NOX1: variants seen among roughly 807,000 people sequenced by gnomAD.
The protein encoded by NOX1 is NADH/NADPH mitogenic oxidase subunit P65-MOX.
In NOX1, 34 loss-of-function variants were observed where a neutral mutation model predicts 42.5. The ratio of observed to expected loss-of-function variants is 0.80; its 90% CI spans 0.61 to 1.07. NOX1 has a LOEUF of 1.07. NOX1 is among the 50% of genes least tolerant of loss of function. NOX1 has a pLI of 0.00. For synonymous variants in NOX1, 143 were observed against 152.5 expected (o/e 0.94, Z 0.46); for missense variants, 408 against 427.0 (o/e 0.96, Z 0.39).
intron 12 of NOX1, among the ~76,000 whole-genome samples, chrX:100,846,276 A>G (rs995176876): frequency 8.9e-6 from 1 of 112,269 alleles, no homozygotes; most frequent in Non-Finnish European, 1.9e-5. Context: ...CGAGTGTGGT[A>G]TCATTTCACA....
chrX:100,871,411 AT>A lies in NOX1; in HGVS notation c.46-598del, dbSNP rs779713095. Among the ~76,000 whole-genome samples the A allele has an allele frequency of 2.7e-5, 3 of 112,710 alleles. No individual in the cohort carries two copies. The East Asian group carries it at 8.3e-4, about 31-fold the overall frequency. ...GATGGCAATAAGTGAATAAATGGAT[AT>A]CTGAAGAAACAAAGAACAAATTTAG... On this transcript the variant is annotated intron_variant, in intron 1 of 12. Coordinates refer to ENST00000372966, the MANE Select transcript of NOX1 (RefSeq NM_007052.5).
At chrX:100,859,165 C>A (rs149376352) in intron 7 of NOX1, among the ~76,000 whole-genome samples, 2 of 111,562 alleles carry the variant, frequency 1.8e-5, no homozygotes, top group African/African-American at 6.5e-5. Flanking sequence ...TTATTGAAAG[C>A]CTTTTGTGTA....
intron 7 of NOX1, among the ~76,000 whole-genome samples, chrX:100,860,719 T>A (rs1250313460): frequency 9.0e-6 from 1 of 111,533 alleles, no homozygotes; most frequent in Admixed American, 9.6e-5. Context: ...CTTTTCCTAC[T>A]TGGTAATTTT....
At chrX:100,849,090 A>AAGG (rs72230229) in intron 11 of NOX1, among the ~76,000 whole-genome samples, 190 bp downstream of exon 11, 7 of 108,239 alleles carry the variant, frequency 6.5e-5, no homozygotes, top group Non-Finnish European at 1.3e-4. Context: ...AAGAAAAAAA[A>AAGG]AAGAAGAAAG....
chrX:100,847,297 C>T (rs924727024), intron 12 of NOX1, among the ~76,000 whole-genome samples: 5 of 111,759 alleles, frequency 4.5e-5, no homozygotes, highest in African/African-American at 9.8e-5. Flanking sequence ...CCCATGTGGC[C>T]GTAGACTTTT....
At chrX:100,849,219 A>G in intron 11 of NOX1, 61 bp downstream of exon 11, 1 of 1,139,628 alleles carries the variant, frequency 8.8e-7, no homozygotes, top group Non-Finnish European at 1.2e-6. Context: ...CATATGCACT[A>G]TCCTTTGTCT....
In NOX1 at chrX:100,862,835, G is replaced by A. The variant is rs1015265804; in HGVS notation, c.338-15C>T. Reference sequence around the variant, plus strand: ...GATGTGAATAGCTAAATGGAAAGATGAAAAGAAATGTTAAGAGGCATCTCA... The same window carrying A: ...GATGTGAATAGCTAAATGGAAAGATAAAAAGAAATGTTAAGAGGCATCTCA... On this transcript the variant is annotated splice_polypyrimidine_tract_variant and intron_variant, in intron 4 of 12. Coordinates refer to ENST00000372966, the MANE Select transcript of NOX1 (RefSeq NM_007052.5). 21 of 1,189,338 alleles carry A rather than the reference G, an allele frequency of 1.8e-5. No homozygotes were observed. The highest frequency in any genetic ancestry group is 2.4e-5 in the Non-Finnish European group (21 of 882,716).
intron 12 of NOX1, 46 bp downstream of exon 12, chrX:100,848,584 C>A: frequency 8.5e-7 from 1 of 1,179,013 alleles, no homozygotes; most frequent in Non-Finnish European, 1.1e-6. Flanking sequence ...TAAGCCACCA[C>A]GCACGGCCCC....
chrX:100,846,754 C>G (rs1314386406), intron 12 of NOX1, among the ~76,000 whole-genome samples: 1 of 112,265 alleles, frequency 8.9e-6, no homozygotes, highest in South Asian at 3.6e-4. Flanking sequence ...AGCATTTTTT[C>G]ATATATTGTC....
At chrX:100,847,484 G>A (rs1423053117) in intron 12 of NOX1, among the ~76,000 whole-genome samples, 3 of 110,703 alleles carry the variant, frequency 2.7e-5, no homozygotes, top group African/African-American at 6.6e-5. Flanking sequence ...GGTAACCAAG[G>A]CGGGGCTTGG....
At chrX:100,852,952 T>C (rs1462493226) in intron 7 of NOX1, among the ~76,000 whole-genome samples, 1 of 111,782 alleles carries the variant, frequency 8.9e-6, no homozygotes, top group Non-Finnish European at 1.9e-5. Flanking sequence ...GAAATGGGAG[T>C]GTTCACGTGG....
chrX:100,848,588 C>T lies in NOX1; in HGVS notation c.1568+42G>A, dbSNP rs751926031. ...ATTACAGGCAGTAAGCCACCACGCA[C>T]GGCCCCTGTAAACTCATCTTACTAG... On this transcript the variant is annotated intron_variant, in intron 12 of 12. Transcript: ENST00000372966. The T allele has an allele frequency of 6.0e-5, 71 of 1,183,093 alleles. No individual in the cohort carries two copies. The South Asian group carries it at 1.1e-3, about 19-fold the overall frequency.
At chrX:100,853,287 T>TTTC (rs1569445564) in intron 7 of NOX1, among the ~76,000 whole-genome samples, 7 of 76,477 alleles carry the variant, frequency 9.2e-5, no homozygotes, top group Non-Finnish European at 1.5e-4. Context: ...TCTTTCTTTC[T>TTTC]TTCTTTCTTT....
At position 100,851,311 on chromosome X, in the gene NOX1, G is replaced by A; in HGVS notation, c.819C>T (p.Ile273=). Residue 273 remains isoleucine, a synonymous_variant, in exon 8 of 13, where the codon ATC becomes ATT. Transcript: ENST00000372966. ...AGATATAAAGAATGACCGGTGCAAG[G>A]ATCCACTTCCAAGACTGCACAGAGA... is the stretch of plus-strand genomic sequence containing the variant. ...EGHPPESWKW[I]LAPVILYICE... The A allele has an allele frequency of 8.6e-7, 1 of 1,168,203 alleles. No individual in the cohort carries two copies. Among genetic ancestry groups the A allele is most frequent in the African/African-American group, 1.8e-5 (1 of 56,068 alleles).
chrX:100,872,836 G>A (rs1011125325), intron 1 of NOX1, among the ~76,000 whole-genome samples: 1 of 110,479 alleles, frequency 9.1e-6, no homozygotes, highest in Non-Finnish European at 1.9e-5. Flanking sequence ...CACCCAGTTA[G>A]TAGCAGAATT....
chrX:100,849,691 T>C (rs2085099174), intron 10 of NOX1, 81 bp downstream of exon 10: 1 of 983,508 alleles, frequency 1.0e-6, no homozygotes, highest in African/African-American at 1.9e-5. Flanking sequence ...TGCTCCCTTA[T>C]CAATTGTAAA....
chrX:100,867,002 C>A (rs2085242464), intron 2 of NOX1, among the ~76,000 whole-genome samples: 1 of 111,221 alleles, frequency 9.0e-6, no homozygotes, highest in Non-Finnish European at 1.9e-5. Context: ...AACACGGAGA[C>A]CTCATGTCTA....
intron 12 of NOX1, among the ~76,000 whole-genome samples, chrX:100,844,389 A>G (rs927941727): frequency 9.0e-6 from 1 of 111,520 alleles, no homozygotes; most frequent in Non-Finnish European, 1.9e-5. Flanking sequence ...CTCAGCTCTG[A>G]CATTTATCCC....
At chrX:100,873,774 G>A (rs1009110380) in intron 1 of NOX1, among the ~76,000 whole-genome samples, 8 of 111,636 alleles carry the variant, frequency 7.2e-5, no homozygotes, top group African/African-American at 2.6e-4. Flanking sequence ...TTGAAATCTT[G>A]ATGGGACCAG....
Sources: allele counts gnomAD v4.1 joint callset (sites outside exome capture counted in the v4.1 genomes callset), GRCh38; gene constraint gnomAD v4.1.1; transcripts MANE v1.5; gene names NCBI Gene and HGNC (gene_info 2026-07-23, HGNC 2026-07-21).